Variants in TMOD2 observed in about 807,000 individuals in gnomAD.
TMOD2 encodes tropomodulin-2.
In TMOD2, 22 loss-of-function variants were observed where a neutral mutation model predicts 39.9. The observed-to-expected ratio is 0.55, with a 90% CI of 0.39 to 0.79. The LOEUF is 0.79. TMOD2 is among the 30% of genes least tolerant of loss of function. The probability of loss-of-function intolerance (pLI) is 0.00; values close to 1 mark genes in which losing one functional copy is unlikely to be tolerated. For synonymous variants in TMOD2, 123 were observed against 146.1 expected, an observed-to-expected ratio of 0.84 and a Z score of 1.14; for missense variants, 386 against 413.3, an observed-to-expected ratio of 0.93 and a Z score of 0.57.
intron 1 of TMOD2, among the ~76,000 whole-genome samples, chr15:51,757,498 A>G (rs2055750635): frequency 6.6e-6 from 1 of 151,694 alleles, no homozygotes; most frequent in Middle Eastern, 3.5e-3. Context: ...GGCCCAAGTC[A>G]TGCTTCCATC....
At position 51,785,245 on chromosome 15, in the gene TMOD2, T is replaced by A. The variant is rs535457917; in HGVS notation, c.732+2417T>A. 2.0e-5 allele frequency among the ~76,000 whole-genome samples: 3 copies of A among 152,098 alleles called. No individual in the cohort carries two copies. In the South Asian group the frequency reaches 6.2e-4, roughly 32 times the overall value. On this transcript the variant is annotated intron_variant, in intron 7 of 9. Transcript: ENST00000249700. ...GGCTAACAAGGTGAAACCCCGTCTC[T>A]ACTAAAAATACAAAAAATTAGCCGG...
At chr15:51,773,612 T>C (rs1254197837) in intron 3 of TMOD2, 100 bp from the exon 4 acceptor site, 2 of 1,240,198 alleles carry the variant, frequency 1.6e-6, no homozygotes, top group Non-Finnish European at 2.2e-6. Flanking sequence ...GGCTTAATTA[T>C]ATGGGTCTCA....
intron 3 of TMOD2, among the ~76,000 whole-genome samples, chr15:51,771,838 G>A (rs1293309455): frequency 1.3e-5 from 2 of 152,150 alleles, no homozygotes; most frequent in East Asian, 3.9e-4. Context: ...CTATCTTCTG[G>A]CCATCCTCCT....
At position 51,809,625 on chromosome 15, in the gene TMOD2, A is replaced by G. The variant is rs1394263582; in HGVS notation, c.*1171A>G. 2 of 152,218 alleles carry G rather than the reference A, an allele frequency of 1.3e-5. No homozygotes were observed. The highest frequency in any genetic ancestry group is 2.9e-5 in the Non-Finnish European group (2 of 68,038). 9.4% of individuals were successfully genotyped at this position (152,218 alleles called of 1,614,324 possible). A position where few individuals can be genotyped will look rare whatever the true frequency, so the allele number is the denominator to read the frequency against. On this transcript the variant is annotated 3_prime_UTR_variant, in exon 10 of 10. Coordinates refer to ENST00000249700, the MANE Select transcript of TMOD2 (RefSeq NM_014548.4). ...CAGTGCTAAACTAATGAAGCAGGTG[A>G]CTGCAGCCTTTGGCTCAAGCTCACA... is the stretch of plus-strand genomic sequence containing the variant.
chr15:51,798,059 G>A (rs2056063555), intron 7 of TMOD2, 138 bp from the exon 8 acceptor site: 2 of 677,268 alleles, frequency 3.0e-6, no homozygotes, highest in South Asian at 2.3e-5. Flanking sequence ...GTTACTTGGA[G>A]GTGAAAGTAT....
intron 7 of TMOD2, among the ~76,000 whole-genome samples, chr15:51,791,138 A>G (rs1450866526): frequency 6.6e-6 from 1 of 152,256 alleles, no homozygotes; most frequent in Non-Finnish European, 1.5e-5. Flanking sequence ...CCTTAAGCTG[A>G]TAAGCAACTT....
intron 8 of TMOD2, among the ~76,000 whole-genome samples, chr15:51,805,058 T>C (rs2056113372): frequency 1.3e-5 from 2 of 151,156 alleles, no homozygotes; most frequent in East Asian, 2.0e-4. Context: ...TCCTAGATTC[T>C]AGTGATTCTC....
intron 3 of TMOD2, among the ~76,000 whole-genome samples, chr15:51,771,242 C>T (rs8024081): frequency 0.48 from 72,644 of 151,936 alleles, 17,651 homozygotes; most frequent in Admixed American, 0.54. Context: ...CAGAGCAGAG[C>T]GAAGAGTATG....
At chr15:51,762,004 C>G (rs962918462) in intron 1 of TMOD2, among the ~76,000 whole-genome samples, 12 of 151,780 alleles carry the variant, frequency 7.9e-5, no homozygotes, top group African/African-American at 2.4e-5. Flanking sequence ...AAAAAATTAT[C>G]CGGGCGTGGT....
intron 1 of TMOD2, among the ~76,000 whole-genome samples, chr15:51,762,606 C>T (rs1418918686): frequency 1.3e-5 from 2 of 152,172 alleles, no homozygotes; most frequent in Non-Finnish European, 2.9e-5. Flanking sequence ...TTGATATATG[C>T]ATGTATGTGT....
chr15:51,778,392 C>T (rs954465469), intron 5 of TMOD2, among the ~76,000 whole-genome samples: 5 of 147,326 alleles, frequency 3.4e-5, no homozygotes, highest in African/African-American at 7.5e-5. Context: ...TGCTAAATGA[C>T]GAGTTAATGG....
chr15:51,769,547 A>G (rs372690809), intron 3 of TMOD2, among the ~76,000 whole-genome samples: 20 of 152,248 alleles, frequency 1.3e-4, no homozygotes, highest in Admixed American at 7.9e-4. Context: ...TTGTTTTTCC[A>G]TGCCAGGATT....
Position 51,766,477 on chromosome 15 carries a change from C to G in TMOD2, c.36C>G (p.Tyr12Ter). 2 of 1,613,890 alleles carry G rather than the reference C, an allele frequency of 1.2e-6. No homozygotes were observed. Among genetic ancestry groups the G allele is most frequent in the Non-Finnish European group, 1.7e-6 (2 of 1,179,864 alleles). Residue 12 changes from tyrosine (Y) to a stop codon, truncating the protein, a stop_gained, in exon 2 of 10, where the codon TAC becomes TAG. Transcript: ENST00000249700. LOFTEE classifies it high-confidence loss of function. Reference protein sequence around the residue: ...ALPFQKELEKYKNIDEDELLG... With the variant: ...ALPFQKELEK ...CCTTTCAAAAAGAGCTGGAGAAATA[C>G]AAGAACATTGATGAAGATGAGCTTC...
In TMOD2 at chr15:51,781,100, A is replaced by T; in HGVS notation, c.550A>T (p.Asn184Tyr). The change falls in exon 6 of 10, where the codon AAT becomes TAT. Residue 184 changes from asparagine to tyrosine, a missense_variant. By Grantham distance (143) the Asn-to-Tyr change is moderately radical (BLOSUM62 -2). Transcript: ENST00000249700. The stretch of plus-strand genomic sequence containing the variant: ...ATTTGAGGAACCACCAAATCCCACA[A>T]ATGTGGAAATAAGCCTGCAGCAGAT... ...PVFEEPPNPTNVEISLQQMKA... is the reference protein window; with the variant it reads ...PVFEEPPNPTYVEISLQQMKA... The T allele has an allele frequency of 6.2e-7, 1 of 1,612,798 alleles. No individual in the cohort carries two copies. Among genetic ancestry groups the T allele is most frequent in the Non-Finnish European group, 8.5e-7 (1 of 1,179,648 alleles).
At chr15:51,783,826 T>A (rs1041769854) in intron 7 of TMOD2, 2 of 152,198 alleles carry the variant, frequency 1.3e-5, no homozygotes, top group Non-Finnish European at 2.9e-5. Context: ...GTTCTATTCT[T>A]CCTATGCATT....
chr15:51,771,281 T>C (rs1318272857), intron 3 of TMOD2, among the ~76,000 whole-genome samples: 1 of 152,122 alleles, frequency 6.6e-6, no homozygotes, highest in Non-Finnish European at 1.5e-5. Flanking sequence ...CAGTGAACCA[T>C]CCAGGAGCAG....
rs768048666 is a variant in TMOD2, at chr15:51,776,904, T to C, written c.407-28T>C. On this transcript the variant is annotated intron_variant, in intron 4 of 9. Coordinates refer to ENST00000249700, the MANE Select transcript of TMOD2 (RefSeq NM_014548.4). ...GACATCCTAATGTGCTTCTCCAAAC[T>C]TAATGCTCATTTGTTGACTGTTTTT... is the stretch of plus-strand genomic sequence containing the variant. 9.4e-6 allele frequency: 15 copies of C among 1,594,202 alleles called. No homozygotes were observed. In the East Asian group the frequency reaches 1.6e-4, roughly 17 times the overall value.
intron 1 of TMOD2, among the ~76,000 whole-genome samples, chr15:51,754,431 C>T (rs1463309174): frequency 1.3e-5 from 2 of 152,192 alleles, no homozygotes; most frequent in Admixed American, 6.5e-5. Context: ...CAAAGAGGTT[C>T]ATAGAAGGCA....
rs965673917 is a variant in TMOD2, at chr15:51,801,253, A to T, written c.876+2913A>T. Among the ~76,000 whole-genome samples the T allele has an allele frequency of 2.2e-3, 306 of 138,236 alleles. 3 individuals are homozygous for T. Among genetic ancestry groups the T allele is most frequent in the African/African-American group, 8.3e-3 (300 of 36,358 alleles). 90.7% of individuals were successfully genotyped at this position (138,236 alleles called of 152,430 possible). On this transcript the variant is annotated intron_variant, in intron 8 of 9. Transcript: ENST00000249700. The stretch of plus-strand genomic sequence containing the variant: ...CTCTCTCTCTCACACACACACACAC[A>T]CACACACACACACACACACACACAC...
Sources: allele counts gnomAD v4.1 joint callset (sites outside exome capture counted in the v4.1 genomes callset), GRCh38; gene constraint gnomAD v4.1.1; transcripts MANE v1.5; gene names NCBI Gene and HGNC (gene_info 2026-07-23, HGNC 2026-07-21).